PSTPIP2: variants seen among roughly 807,000 people sequenced by gnomAD.
The protein encoded by PSTPIP2 is proline-serine-threonine phosphatase-interacting protein 2.
In PSTPIP2, 33 loss-of-function variants were observed where a neutral mutation model predicts 63.3. That is an observed-to-expected ratio of 0.52 (90% CI 0.40 to 0.70). The LOEUF is 0.70. PSTPIP2 is among the 30% of genes least tolerant of loss of function. The pLI, the probability that PSTPIP2 is intolerant of heterozygous loss-of-function variation, is 0.00. For synonymous variants in PSTPIP2, 125 were observed against 132.7 expected, an observed-to-expected ratio of 0.94 and a Z score of 0.40; for missense variants, 312 against 400.7, an observed-to-expected ratio of 0.78 and a Z score of 1.89.
intron 1 of PSTPIP2, among the ~76,000 whole-genome samples, chr18:46,047,507 G>T (rs756686624): frequency 6.6e-6 from 1 of 152,102 alleles, no homozygotes; most frequent in Admixed American, 6.5e-5. Flanking sequence ...CAGGAGAATC[G>T]CTTAAACTCG....
chr18:45,993,578 A>C (rs558146103), intron 10 of PSTPIP2, 27 bp downstream of exon 10: 5 of 1,581,210 alleles, frequency 3.2e-6, no homozygotes, highest in Middle Eastern at 1.7e-4. Context: ...TGCACACGAC[A>C]ATCCTCAGTG....
At chr18:46,050,832 T>C (rs1676747623) in intron 1 of PSTPIP2, among the ~76,000 whole-genome samples, 1 of 152,006 alleles carries the variant, frequency 6.6e-6, no homozygotes, top group African/African-American at 2.4e-5. Flanking sequence ...ATACATGTAG[T>C]AGTGACAATC....
intron 2 of PSTPIP2, among the ~76,000 whole-genome samples, chr18:46,024,932 C>T (rs1481972283): frequency 6.6e-6 from 1 of 152,180 alleles, no homozygotes; most frequent in East Asian, 1.9e-4. Flanking sequence ...GCGAACATTA[C>T]AGTAAAACTG....
At chr18:46,032,420 T>C (rs1040321334) in intron 2 of PSTPIP2, among the ~76,000 whole-genome samples, 5 of 152,016 alleles carry the variant, frequency 3.3e-5, no homozygotes, top group Admixed American at 6.6e-5. Context: ...CTATCCAAAT[T>C]CCCAGACCAG....
chr18:46,009,446 A>G (rs889940124), intron 5 of PSTPIP2, among the ~76,000 whole-genome samples: 5 of 151,588 alleles, frequency 3.3e-5, no homozygotes, highest in African/African-American at 1.2e-4. Context: ...ACAAGTAATT[A>G]CAATTTTATT....
At chr18:46,054,204 C>T (rs995468702) in intron 1 of PSTPIP2, among the ~76,000 whole-genome samples, 2 of 152,128 alleles carry the variant, frequency 1.3e-5, no homozygotes, top group Non-Finnish European at 2.9e-5. Flanking sequence ...TAAAGCAACT[C>T]CATTATTATT....
At chr18:46,030,599 A>G (rs1389410061) in intron 2 of PSTPIP2, among the ~76,000 whole-genome samples, 1 of 152,242 alleles carries the variant, frequency 6.6e-6, no homozygotes, top group Non-Finnish European at 1.5e-5. Context: ...TTTGAGGCTC[A>G]ATAATTGTCC....
intron 14 of PSTPIP2, among the ~76,000 whole-genome samples, chr18:45,985,674 A>C (rs1365556905): frequency 6.6e-6 from 1 of 152,220 alleles, no homozygotes; most frequent in Non-Finnish European, 1.5e-5. Context: ...CAAATTTGAA[A>C]TTTTTAATCT....
At chr18:46,020,013 T>G (rs1242316045) in intron 3 of PSTPIP2, among the ~76,000 whole-genome samples, 1 of 152,188 alleles carries the variant, frequency 6.6e-6, no homozygotes, top group African/African-American at 2.4e-5. Flanking sequence ...TGTCCCAAGT[T>G]TAAAATTTTT....
At chr18:46,072,022 G>T (rs1057429298) in intron 1 of PSTPIP2, 134 bp downstream of exon 1, 1 of 1,186,602 alleles carries the variant, frequency 8.4e-7, no homozygotes, top group Non-Finnish European at 1.1e-6. Context: ...CTTCACGCGC[G>T]AGCTCCGCCA....
At chr18:45,997,481 C>G (rs974006854) in intron 9 of PSTPIP2, among the ~76,000 whole-genome samples, 5 of 152,114 alleles carry the variant, frequency 3.3e-5, no homozygotes, top group African/African-American at 1.2e-4. Flanking sequence ...GGCCACCGTG[C>G]CTGGCCAAAT....
chr18:46,045,094 A>C (rs1908335237), intron 1 of PSTPIP2, among the ~76,000 whole-genome samples: 1 of 152,256 alleles, frequency 6.6e-6, no homozygotes, highest in Non-Finnish European at 1.5e-5. Context: ...TGTGGAAGTC[A>C]GTGTGGCGAT....
chr18:45,987,496 G>A (rs565419591), intron 14 of PSTPIP2, among the ~76,000 whole-genome samples: 2 of 141,144 alleles, frequency 1.4e-5, no homozygotes, highest in African/African-American at 5.5e-5. Flanking sequence ...TAGTTCAGAA[G>A]TGTAGCTCAG....
chr18:46,050,866 CTT>C (rs556150321), intron 1 of PSTPIP2, among the ~76,000 whole-genome samples: 16 of 142,744 alleles, frequency 1.1e-4, no homozygotes, highest in Admixed American at 1.4e-4. Context: ...TGTGTGCATT[CTT>C]TTTTTTTTTT....
intron 1 of PSTPIP2, among the ~76,000 whole-genome samples, chr18:46,045,161 A>G (rs1231765708): frequency 2.0e-5 from 3 of 152,234 alleles, no homozygotes; most frequent in African/African-American, 7.2e-5. Flanking sequence ...ATTACTGGGT[A>G]TATACCCAAA....
chr18:46,026,115 A>G (rs1907570101), intron 2 of PSTPIP2, among the ~76,000 whole-genome samples: 2 of 152,226 alleles, frequency 1.3e-5, no homozygotes, highest in Admixed American at 1.3e-4. Context: ...GAAAGAATGC[A>G]TTTTAAATTT....
chr18:46,023,122 A>G (rs1316790391), intron 3 of PSTPIP2, among the ~76,000 whole-genome samples: 1 of 152,168 alleles, frequency 6.6e-6, no homozygotes, highest in East Asian at 1.9e-4. Flanking sequence ...CAGAGGGTGG[A>G]GGATGGGAAG....
intron 9 of PSTPIP2, among the ~76,000 whole-genome samples, chr18:45,996,848 G>A (rs1426127811): frequency 6.6e-6 from 1 of 152,112 alleles, no homozygotes; most frequent in African/African-American, 2.4e-5. Context: ...TTGAGCTCAT[G>A]GGGTTTCAGG....
At chr18:46,020,859 G>C (rs755701342) in intron 3 of PSTPIP2, among the ~76,000 whole-genome samples, 2 of 152,214 alleles carry the variant, frequency 1.3e-5, no homozygotes, top group South Asian at 4.1e-4. Context: ...CTGTGTTACA[G>C]TCTGTCTGAA....
Sources: gnomAD v4.1 joint callset for allele counts (sites outside exome capture counted in the v4.1 genomes callset) on GRCh38, gnomAD v4.1.1 for gene constraint, MANE v1.5 for transcripts, NCBI Gene and HGNC (gene_info 2026-07-23, HGNC 2026-07-21) for gene names.